Variants in ADGRL2 observed in about 807,000 individuals in gnomAD.
The protein encoded by ADGRL2 is calcium-independent alpha-latrotoxin receptor 2.
In ADGRL2, 44 loss-of-function variants were observed where a neutral mutation model predicts 157.4. The observed-to-expected ratio is 0.28, with a 90% CI of 0.22 to 0.36. The LOEUF (loss-of-function observed/expected upper bound fraction) is 0.36, where lower values mean the gene tolerates loss of function less well. Ranked by LOEUF, ADGRL2 falls within the 10% of genes least tolerant of loss-of-function variation. ADGRL2 has a pLI of 1.00. For synonymous variants in ADGRL2, 585 were observed against 624.7 expected, an observed-to-expected ratio of 0.94 and a Z score of 0.95; for missense variants, 1,510 against 1,768.9, an observed-to-expected ratio of 0.85 and a Z score of 2.63.
chr1:81,388,955 T>C (rs190259607), intron 1 of ADGRL2, among the ~76,000 whole-genome samples: 1 of 152,200 alleles, frequency 6.6e-6, no homozygotes, highest in East Asian at 1.9e-4. Context: ...CAGTCCCTTG[T>C]TTGAAGACCC....
rs79959609 is a variant in ADGRL2 at position 81,884,458 on chromosome 1, G to A, written c.74-22559G>A. On this transcript the variant is annotated intron_variant, in intron 2 of 23. Coordinates refer to ENST00000686636, the MANE Select transcript of ADGRL2 (RefSeq NM_001366006.2). ...CTTTCTGCTCTGTTGTTCCAAAATT[G>A]GACAATTTCCTGCCTGGTATTTTAT... Among the ~76,000 whole-genome samples the A allele has an allele frequency of 1.6e-3, 249 of 152,170 alleles. 7 individuals are homozygous for A. In the East Asian group the frequency reaches 0.032, roughly 19 times the overall value.
At position 81,836,871 on chromosome 1, in the gene ADGRL2, T is replaced by C. The variant is rs573618551; in HGVS notation, c.-100-14T>C. Reference sequence around the variant, plus strand: ...AAGACCATAGAGTAAGTGATGGATTTGTTTGTTTTTCAGATATGAAGATCA... The same window carrying C: ...AAGACCATAGAGTAAGTGATGGATTCGTTTGTTTTTCAGATATGAAGATCA... On this transcript the variant is annotated splice_polypyrimidine_tract_variant and intron_variant, in intron 1 of 23. Coordinates refer to ENST00000686636, the MANE Select transcript of ADGRL2 (RefSeq NM_001366006.2). 1.6e-6 allele frequency: 1 copy of C among 616,346 alleles called. No individual in the cohort carries two copies. Among genetic ancestry groups the C allele is most frequent in the East Asian group, 3.1e-5 (1 of 32,122 alleles). The allele number at this position is 616,346 out of a possible 1,614,324, so 38.2% of individuals were successfully genotyped here.
At chr1:81,753,110 T>A (rs539234643) in intron 1 of ADGRL2, among the ~76,000 whole-genome samples, 1 of 152,266 alleles carries the variant, frequency 6.6e-6, no homozygotes, top group African/African-American at 2.4e-5. Context: ...GTTATCAATA[T>A]CTAGGTGTGT....
At chr1:81,914,733 T>A (rs552732566) in intron 3 of ADGRL2, among the ~76,000 whole-genome samples, 96 of 152,332 alleles carry the variant, frequency 6.3e-4, no homozygotes, top group African/African-American at 2.2e-3. Flanking sequence ...GTGGCCTAGT[T>A]GTTTCAAGAC....
chr1:81,445,319 C>A (rs1231769781), intron 2 of ADGRL2, among the ~76,000 whole-genome samples: 1 of 152,154 alleles, frequency 6.6e-6, no homozygotes, highest in Non-Finnish European at 1.5e-5. Context: ...TTGTATGTTG[C>A]TTAAGACTGG....
intron 1 of ADGRL2, among the ~76,000 whole-genome samples, chr1:81,416,323 A>AAAAAAAG (rs1553162971): frequency 1.3e-5 from 2 of 151,068 alleles, no homozygotes; most frequent in Admixed American, 6.6e-5. Flanking sequence ...TTGCAAAAAA[A>AAAAAAAG]AAAAGAAAAG....
intron 1 of ADGRL2, chr1:81,426,765 A>G (rs2077224847): frequency 4.4e-6 from 2 of 459,268 alleles, no homozygotes; most frequent in Non-Finnish European, 8.4e-6. Flanking sequence ...GTGGGTGTCT[A>G]TTGGAACCAA....
At chr1:81,591,304 G>A (rs1181227251) in intron 3 of ADGRL2, among the ~76,000 whole-genome samples, 1 of 152,140 alleles carries the variant, frequency 6.6e-6, no homozygotes, top group Admixed American at 6.6e-5. Flanking sequence ...AAACTTCAGG[G>A]TACTACTCCT....
intron 1 of ADGRL2, among the ~76,000 whole-genome samples, chr1:81,729,193 C>A (rs1240495222): frequency 1.3e-5 from 2 of 151,602 alleles, no homozygotes; most frequent in African/African-American, 2.4e-5. Flanking sequence ...TTATGATAAT[C>A]AGCAGTTTCT....
chr1:81,615,907 G>A (rs933763337), intron 3 of ADGRL2, among the ~76,000 whole-genome samples: 1 of 152,126 alleles, frequency 6.6e-6, no homozygotes, highest in African/African-American at 2.4e-5. Context: ...GCATCTCAGA[G>A]GGTGATTCTA....
At chr1:81,603,215 G>C (rs1460669767) in intron 3 of ADGRL2, among the ~76,000 whole-genome samples, 2 of 152,022 alleles carry the variant, frequency 1.3e-5, no homozygotes, top group African/African-American at 4.8e-5. Context: ...CTGAAATTCA[G>C]CTTTTCTCTC....
chr1:81,359,414 G>A (rs543417621), intron 1 of ADGRL2, among the ~76,000 whole-genome samples: 37 of 151,960 alleles, frequency 2.4e-4, no homozygotes, highest in Admixed American at 4.6e-4. Flanking sequence ...AATATACATC[G>A]CTATCCCTAG....
chr1:81,979,313 A>G (rs575035609), intron 17 of ADGRL2, among the ~76,000 whole-genome samples: 1 of 152,000 alleles, frequency 6.6e-6, no homozygotes, highest in South Asian at 2.1e-4. Context: ...GGCTTTTAAC[A>G]GTTAAATGGC....
chr1:81,538,062 G>A (rs1570430237), intron 2 of ADGRL2, among the ~76,000 whole-genome samples: 1 of 152,080 alleles, frequency 6.6e-6, no homozygotes, highest in African/African-American at 2.4e-5. Context: ...TCAAATTGTC[G>A]ATTTCATAAT....
At position 81,969,326 on chromosome 1, in the gene ADGRL2, G is replaced by C. The variant is rs1558021601; in HGVS notation, c.2672G>C (p.Cys891Ser). 2 of 1,613,910 alleles carry C rather than the reference G, an allele frequency of 1.2e-6. No individual in the cohort carries two copies. The highest frequency in any genetic ancestry group is 1.7e-6 in the Non-Finnish European group (2 of 1,179,888). The change falls in exon 15 of 24, where the codon TGT becomes TCT. Residue 891 changes from cysteine to serine, a missense_variant. Transcript: ENST00000686636. ...SDRNTIHKNL[C>S]INLFIAEFIF... Reference sequence around the variant, plus strand: ...CGAAATACTATTCACAAGAACCTTTGTATCAACCTTTTCATTGCTGAATTT... The same window carrying C: ...CGAAATACTATTCACAAGAACCTTTCTATCAACCTTTTCATTGCTGAATTT...
intron 1 of ADGRL2, among the ~76,000 whole-genome samples, chr1:81,732,973 A>G (rs2149185658): frequency 6.6e-6 from 1 of 152,326 alleles, no homozygotes; most frequent in South Asian, 2.1e-4. Context: ...TATGCCTTCT[A>G]TGTTTTACGA....
At chr1:81,610,229 G>GTTTTTTTT (rs10657640) in intron 3 of ADGRL2, among the ~76,000 whole-genome samples, 3 of 127,390 alleles carry the variant, frequency 2.4e-5, no homozygotes, top group Admixed American at 8.5e-5. Flanking sequence ...TGGCTTGGAG[G>GTTTTTTTT]TTTTTTTTTT....
chr1:81,645,360 C>A (rs987496326), intron 3 of ADGRL2, among the ~76,000 whole-genome samples: 1 of 144,398 alleles, frequency 6.9e-6, no homozygotes, highest in African/African-American at 2.6e-5. Context: ...CCACTGCATT[C>A]CATTCCAGCC....
chr1:81,809,678 T>C lies in ADGRL2; in HGVS notation c.-101+8610T>C, dbSNP rs1204342823. Among the ~76,000 whole-genome samples, 7 of 152,042 alleles carry C rather than the reference T, an allele frequency of 4.6e-5. 1 individual carries two copies. Among genetic ancestry groups the C allele is most frequent in the Admixed American group, 4.6e-4 (7 of 15,232 alleles). ...GCTATTTTCAATTGTTAGGTAGTAC[T>C]TGTTAACCCCTTTCTTGGTCACACA... On this transcript the variant is annotated intron_variant, in intron 1 of 23. Transcript: ENST00000686636.
Sources: allele counts gnomAD v4.1 joint callset (sites outside exome capture counted in the v4.1 genomes callset), GRCh38; gene constraint gnomAD v4.1.1; transcripts MANE v1.5; gene names NCBI Gene and HGNC (gene_info 2026-07-23, HGNC 2026-07-21).